KALRN: variants seen among roughly 807,000 people sequenced by gnomAD.
The protein encoded by KALRN is kalirin.
Under a neutral mutation model 353.7 loss-of-function variants are expected in KALRN, and 70 were observed. The ratio of observed to expected loss-of-function variants is 0.20; its 90% confidence interval spans 0.16 to 0.24. The LOEUF (loss-of-function observed/expected upper bound fraction) is 0.24. KALRN is among the 10% of genes least tolerant of loss of function. KALRN has a pLI of 1.00. For synonymous variants in KALRN, 1,391 were observed against 1,434.8 expected, an observed-to-expected ratio of 0.97 and a Z score of 0.69; for missense variants, 2,791 against 3,756.7, an observed-to-expected ratio of 0.74 and a Z score of 6.72.
chr3:124,611,135 A>G (rs1196496316), intron 34 of KALRN, among the ~76,000 whole-genome samples: 2 of 152,224 alleles, frequency 1.3e-5, no homozygotes, highest in African/African-American at 4.8e-5. Flanking sequence ...GTAGTTCTCA[A>G]TAGGGTATCA....
At chr3:124,659,958 G>T (rs776172917) in intron 43 of KALRN, among the ~76,000 whole-genome samples, 1 of 150,746 alleles carries the variant, frequency 6.6e-6, no homozygotes, top group Non-Finnish European at 1.5e-5. Context: ...TTGAGGCAGG[G>T]TCTCACTCTG....
chr3:124,224,464 T>C (rs1391516785), intron 1 of KALRN, among the ~76,000 whole-genome samples: 1 of 152,170 alleles, frequency 6.6e-6, no homozygotes, highest in South Asian at 2.1e-4. Flanking sequence ...TGTCCTGGGC[T>C]GCATGAGGCC....
chr3:124,204,231 A>G (rs1385951811), intron 1 of KALRN, among the ~76,000 whole-genome samples: 2 of 152,172 alleles, frequency 1.3e-5, no homozygotes, highest in East Asian at 3.8e-4. Flanking sequence ...GAGTCTGTTC[A>G]TTATGCTTTT....
intron 33 of KALRN, among the ~76,000 whole-genome samples, chr3:124,559,503 G>T (rs187281942): frequency 7.9e-5 from 12 of 152,308 alleles, no homozygotes; most frequent in Non-Finnish European, 1.0e-4. Flanking sequence ...AGGCCAGACA[G>T]GGACTCGCTG....
At chr3:124,535,026 A>G (rs1471944526) in intron 33 of KALRN, among the ~76,000 whole-genome samples, 1 of 152,130 alleles carries the variant, frequency 6.6e-6, no homozygotes, top group East Asian at 1.9e-4. Context: ...AAGGGTCTTA[A>G]CCTGAGTAGT....
At chr3:124,300,312 A>G (rs1321986609) in intron 6 of KALRN, among the ~76,000 whole-genome samples, 4 of 152,210 alleles carry the variant, frequency 2.6e-5, no homozygotes, top group African/African-American at 9.6e-5. Flanking sequence ...ATGCCGAGTT[A>G]ACCAAGAACC....
intron 12 of KALRN, chr3:124,395,620 C>CA (rs1206806392): frequency 3.0e-4 from 121 of 401,618 alleles, no homozygotes; most frequent in East Asian, 4.9e-4. Flanking sequence ...TAACAAAAGA[C>CA]AAAAAAAACA....
chr3:124,053,943 T>C (rs993072769), intron 1 of KALRN, among the ~76,000 whole-genome samples: 1 of 152,208 alleles, frequency 6.6e-6, no homozygotes, highest in African/African-American at 2.4e-5. Context: ...CCAGGAACAG[T>C]GTCTGCCATG....
chr3:124,226,682 T>C (rs184853488), intron 1 of KALRN, among the ~76,000 whole-genome samples: 2 of 152,312 alleles, frequency 1.3e-5, no homozygotes, highest in Middle Eastern at 3.4e-3. Flanking sequence ...CCTAGGCCAG[T>C]GATCTTACGC....
chr3:124,409,579 A>C (rs1242192043), intron 13 of KALRN, among the ~76,000 whole-genome samples: 1 of 152,218 alleles, frequency 6.6e-6, no homozygotes, highest in African/African-American at 2.4e-5. Context: ...AGAGGGCAGA[A>C]CTTGCTCTCA....
chr3:124,312,002 G>A (rs548900758), intron 6 of KALRN, among the ~76,000 whole-genome samples: 1 of 152,268 alleles, frequency 6.6e-6, no homozygotes, highest in South Asian at 2.1e-4. Flanking sequence ...TAGAATGGAA[G>A]GGGTATAAGA....
At chr3:124,711,630 G>A (rs139061390) in intron 57 of KALRN, among the ~76,000 whole-genome samples, 326 of 152,270 alleles carry the variant, frequency 2.1e-3, no homozygotes, top group African/African-American at 7.6e-3. Context: ...GGCAACAGCT[G>A]TATCTGGGAA....
At chr3:124,571,343 T>C (rs1472877756) in intron 34 of KALRN, among the ~76,000 whole-genome samples, 1 of 152,236 alleles carries the variant, frequency 6.6e-6, no homozygotes, top group African/African-American at 2.4e-5. Flanking sequence ...GTCCTTGGAT[T>C]TGAGAACTTC....
At chr3:124,130,659 AAAAC>A (rs2065171568) in intron 1 of KALRN, among the ~76,000 whole-genome samples, 1 of 152,202 alleles carries the variant, frequency 6.6e-6, no homozygotes, top group South Asian at 2.1e-4. Context: ...TCTAAAAACA[AAAAC>A]AAAAGCATGT....
In KALRN at chr3:124,418,128, G is replaced by GA. The variant is rs761995616; in HGVS notation, c.2542+4471dup. Among the ~76,000 whole-genome samples, 4 of 149,552 alleles carry GA rather than the reference G, an allele frequency of 2.7e-5. No individual in the cohort carries two copies. In the South Asian group the frequency reaches 8.5e-4, roughly 32 times the overall value. On this transcript the variant is annotated intron_variant, in intron 14 of 59. Coordinates refer to ENST00000682506, the MANE Select transcript of KALRN (RefSeq NM_001388419.1). Reference sequence around the variant, plus strand: ...AATTTTACTAGTGTCAAAAAGGAAAGAAAAAAAATCTGTGGGCTTTTTATT... The same window carrying GA: ...AATTTTACTAGTGTCAAAAAGGAAAGAAAAAAAAATCTGTGGGCTTTTTATT...
At chr3:124,165,993 C>T (rs146744452) in intron 1 of KALRN, among the ~76,000 whole-genome samples, 261 of 152,254 alleles carry the variant, frequency 1.7e-3, no homozygotes, top group Non-Finnish European at 9.7e-4. Context: ...GGCCTTTGCA[C>T]AAGTGGCTCC....
intron 14 of KALRN, among the ~76,000 whole-genome samples, chr3:124,416,199 G>T (rs2092485591): frequency 6.6e-6 from 1 of 152,218 alleles, no homozygotes; most frequent in Non-Finnish European, 1.5e-5. Context: ...AGGCTTGTCT[G>T]CCTGGAAACC....
intron 1 of KALRN, among the ~76,000 whole-genome samples, chr3:124,077,964 A>G (rs1427309651): frequency 6.6e-6 from 1 of 152,200 alleles, no homozygotes. Context: ...GGGGTTTTAC[A>G]TAGAATTGTT....
chr3:124,321,709 A>G (rs2079359440), intron 6 of KALRN, among the ~76,000 whole-genome samples: 1 of 152,148 alleles, frequency 6.6e-6, no homozygotes. Context: ...GTCAATATAC[A>G]CGGTTTTTGA....
Sources: gnomAD v4.1 joint callset for allele counts (sites outside exome capture counted in the v4.1 genomes callset) on GRCh38, gnomAD v4.1.1 for gene constraint, MANE v1.5 for transcripts, NCBI Gene and HGNC (gene_info 2026-07-23, HGNC 2026-07-21) for gene names.